Variants in WNK2 observed in about 807,000 individuals in gnomAD.
WNK2 encodes WNK lysine deficient protein kinase 2.
A neutral mutation model predicts 192.1 loss-of-function variants in WNK2; 67 were observed. That is an observed-to-expected ratio of 0.35 (90% CI 0.29 to 0.43). The LOEUF is 0.43. Ranked by LOEUF, WNK2 falls within the 20% of genes least tolerant of loss-of-function variation. The probability of loss-of-function intolerance (pLI) is 1.00; values close to 1 mark genes in which losing one functional copy is unlikely to be tolerated. For synonymous variants in WNK2, 1,439 were observed against 1,393.9 expected (o/e 1.03, Z -0.72); for missense variants, 2,698 against 3,089.7 (o/e 0.87, Z 3.01).
intron 2 of WNK2, among the ~76,000 whole-genome samples, chr9:93,225,618 T>C (rs1348180457): frequency 6.6e-6 from 1 of 152,224 alleles, no homozygotes; most frequent in Non-Finnish European, 1.5e-5. Flanking sequence ...CTTCCCGTTT[T>C]TTCTTAGTCA....
At chr9:93,285,788 A>G (rs962210303) in intron 19 of WNK2, among the ~76,000 whole-genome samples, 1 of 152,236 alleles carries the variant, frequency 6.6e-6, no homozygotes, top group Non-Finnish European at 1.5e-5. Context: ...GTTGTGACTC[A>G]TATAAACCTG....
intron 2 of WNK2, among the ~76,000 whole-genome samples, chr9:93,198,916 C>T (rs560973124): frequency 2.6e-5 from 4 of 152,292 alleles, no homozygotes; most frequent in African/African-American, 7.2e-5. Context: ...GGTGCAGTCT[C>T]GAGCTCGGGG....
At chr9:93,297,142 G>A (rs1205194663) in intron 23 of WNK2, among the ~76,000 whole-genome samples, 7 of 93,784 alleles carry the variant, frequency 7.5e-5, no homozygotes, top group African/African-American at 1.3e-4. Flanking sequence ...TCCCCTCGGC[G>A]TCATCCCCTC....
intron 2 of WNK2, among the ~76,000 whole-genome samples, chr9:93,204,016 C>T (rs919046352): frequency 2.6e-5 from 4 of 151,752 alleles, no homozygotes; most frequent in Admixed American, 6.6e-5. Flanking sequence ...TCCTTGGGAA[C>T]GGGTGTCAGG....
At chr9:93,194,657 A>C (rs530862991) in intron 2 of WNK2, among the ~76,000 whole-genome samples, 1 of 152,232 alleles carries the variant, frequency 6.6e-6, no homozygotes, top group African/African-American at 2.4e-5. Flanking sequence ...AGTTTCTTAT[A>C]AAACTAAACA....
At position 93,257,073 on chromosome 9, in the gene WNK2, C is replaced by T. The variant is rs773306401; in HGVS notation, c.2316C>T (p.Pro772=). The T allele has an allele frequency of 1.4e-5, 22 of 1,607,642 alleles. No individual in the cohort carries two copies. The highest frequency in any genetic ancestry group is 4.5e-5 in the East Asian group (2 of 44,758). ...YLAPASQVGA[P]AQLKPLQMPQ... ...CTCCAGCCTCCCAGGTGGGGGCCCC[C>T]GCTCAGCTGAAGCCCCTCCAGATGC... Residue 772 remains proline (P), a synonymous_variant, in exon 11 of 30, where the codon CCC becomes CCT. Transcript: ENST00000427277. The surrounding 1 kb of genome is among the most constrained non-coding windows in gnomAD (Gnocchi z 4.7).
intron 19 of WNK2, among the ~76,000 whole-genome samples, chr9:93,275,714 C>A (rs757191821): frequency 7.9e-5 from 12 of 152,204 alleles, no homozygotes; most frequent in Non-Finnish European, 1.6e-4. Context: ...GACATGGATT[C>A]TACAGCAACA....
At position 93,234,798 on chromosome 9, in the gene WNK2, C is replaced by T. The variant is rs1839527311; in HGVS notation, c.1076-10C>T. ...CAGCTGACAGCTGCGTCTGTTGCTT[C>T]CGGGCACAGGTACTCCCGAGTTCAT... On this transcript the variant is annotated splice_polypyrimidine_tract_variant and intron_variant, in intron 4 of 29. Transcript: ENST00000427277. 1.2e-6 allele frequency: 2 copies of T among 1,609,252 alleles called. No individual in the cohort carries two copies. Among genetic ancestry groups the T allele is most frequent in the Non-Finnish European group, 1.7e-6 (2 of 1,176,202 alleles).
intron 28 of WNK2, among the ~76,000 whole-genome samples, chr9:93,311,854 A>G (rs1206160017): frequency 6.6e-6 from 1 of 151,936 alleles, no homozygotes; most frequent in Non-Finnish European, 1.5e-5. Context: ...TCCTGACCTC[A>G]AGTGATCCAC....
At chr9:93,311,964 A>G (rs1317316654) in intron 28 of WNK2, among the ~76,000 whole-genome samples, 1 of 152,170 alleles carries the variant, frequency 6.6e-6, no homozygotes, top group Non-Finnish European at 1.5e-5. Context: ...CCATCCTCTC[A>G]GGTGTGAAGT....
chr9:93,286,263 A>G (rs148185389), intron 19 of WNK2, among the ~76,000 whole-genome samples: 1 of 152,196 alleles, frequency 6.6e-6, no homozygotes, highest in Non-Finnish European at 1.5e-5. Flanking sequence ...TGTAGTACAG[A>G]TAGCCCCCAG....
At position 93,279,857 on chromosome 9, in the gene WNK2, C is replaced by A. The variant is rs186426076; in HGVS notation, c.4034-8931C>A. Among the ~76,000 whole-genome samples the A allele has an allele frequency of 2.9e-3, 444 of 152,070 alleles. 4 individuals carry two copies. The highest frequency in any genetic ancestry group is 4.3e-3 in the Non-Finnish European group (289 of 67,972). ...AGTTGATCATCCTTATACACACACA[C>A]AAAAAAGGATGTTTATTCATACTGC... On this transcript the variant is annotated intron_variant, in intron 19 of 29. Coordinates refer to ENST00000427277, the MANE Select transcript of WNK2 (RefSeq NM_006648.4).
At chr9:93,312,455 A>G (rs1588640874) in intron 28 of WNK2, among the ~76,000 whole-genome samples, 1 of 151,506 alleles carries the variant, frequency 6.6e-6, no homozygotes, top group African/African-American at 2.4e-5. Flanking sequence ...GCTCACCGCA[A>G]CCTCTGCCTC....
chr9:93,293,218 G>A, intron 23 of WNK2, 45 bp downstream of exon 23: 1 of 1,402,772 alleles, frequency 7.1e-7, no homozygotes, highest in Non-Finnish European at 9.2e-7. Flanking sequence ...CCTGGGCCAT[G>A]GCACCCCTTC....
intron 19 of WNK2, among the ~76,000 whole-genome samples, chr9:93,280,792 A>G (rs1267470395): frequency 6.6e-6 from 1 of 152,158 alleles, no homozygotes; most frequent in Non-Finnish European, 1.5e-5. Flanking sequence ...GAAGCTTCCA[A>G]ACTTTTAAAG....
At chr9:93,215,217 G>A (rs1242963880) in intron 2 of WNK2, among the ~76,000 whole-genome samples, 3 of 152,132 alleles carry the variant, frequency 2.0e-5, no homozygotes, top group East Asian at 1.9e-4. Flanking sequence ...TGCCTCCTGG[G>A]TTCAAGCAAT....
At position 93,293,048 on chromosome 9, in the gene WNK2, G is replaced by A. The variant is rs1320189088; in HGVS notation, c.5583G>A (p.Val1861=). 1.9e-5 allele frequency: 30 copies of A among 1,610,148 alleles called. No individual in the cohort carries two copies. The highest frequency in any genetic ancestry group is 5.5e-5 in the South Asian group (5 of 90,912). The change falls in exon 23 of 30, where the codon GTG becomes GTA. Residue 1861 remains valine (V), a synonymous_variant. Coordinates refer to ENST00000427277, the MANE Select transcript of WNK2 (RefSeq NM_006648.4). ...GSLGPETPSR[V]GMKVPTISVT... Reference sequence around the variant, plus strand: ...TGGGCCCCGAGACACCCAGCAGGGTGGGCATGAAGGTCCCCACGATCAGCG... The same window carrying A: ...TGGGCCCCGAGACACCCAGCAGGGTAGGCATGAAGGTCCCCACGATCAGCG...
At chr9:93,293,228 C>T (rs1054290521) in intron 23 of WNK2, 55 bp downstream of exon 23, 6 of 1,394,236 alleles carry the variant, frequency 4.3e-6, no homozygotes, top group Non-Finnish European at 4.6e-6. Context: ...GGCACCCCTT[C>T]CCAGTTGTGA....
At chr9:93,304,481 G>A (rs934663388) in intron 26 of WNK2, among the ~76,000 whole-genome samples, 4 of 152,290 alleles carry the variant, frequency 2.6e-5, no homozygotes, top group African/African-American at 7.2e-5. Flanking sequence ...CCTTGGCGCC[G>A]CCTCTTCCTG....
Sources: allele counts gnomAD v4.1 joint callset (sites outside exome capture counted in the v4.1 genomes callset), GRCh38; gene constraint gnomAD v4.1.1; non-coding constraint Gnocchi (gnomAD v3.1); transcripts MANE v1.5; gene names NCBI Gene and HGNC (gene_info 2026-07-23, HGNC 2026-07-21).